The following AGMO variants were observed in gnomAD, a reference collection of about 807,000 sequenced individuals.
The protein encoded by AGMO is alkylglycerol monooxygenase.
A neutral mutation model predicts 60.2 loss-of-function variants in AGMO; 75 were observed. The ratio of observed to expected loss-of-function variants is 1.25; its 90% CI spans 1.03 to 1.51. AGMO has a LOEUF of 1.51. AGMO is among the 40% of genes most tolerant of loss of function. The pLI, the probability that AGMO is intolerant of heterozygous loss-of-function variation, is 0.00. For synonymous variants in AGMO, 261 were observed against 177.1 expected, an observed-to-expected ratio of 1.47 and a Z score of -3.76; for missense variants, 763 against 525.5, an observed-to-expected ratio of 1.45 and a Z score of -4.42.
chr7:15,313,599 A>C (rs925783528), intron 12 of AGMO, among the ~76,000 whole-genome samples: 6 of 152,142 alleles, frequency 3.9e-5, no homozygotes, highest in African/African-American at 1.4e-4. Flanking sequence ...TCATGAACTC[A>C]AACAGAAAGG....
chr7:15,196,124 C>T (rs537294815), downstream of AGMO, among the ~76,000 whole-genome samples: 5 of 151,142 alleles, frequency 3.3e-5, no homozygotes, highest in Non-Finnish European at 7.4e-5. Flanking sequence ...CTCACTGCAA[C>T]CTCTGCCTCC....
intron 3 of AGMO, among the ~76,000 whole-genome samples, chr7:15,515,669 A>G (rs1374561532): frequency 6.6e-6 from 1 of 152,228 alleles, no homozygotes; most frequent in Non-Finnish European, 1.5e-5. Context: ...ATGTAGAAAG[A>G]CTGAACTTTT....
the AGMO span, among the ~76,000 whole-genome samples, chr7:15,164,495 C>T: frequency 1.3e-5 from 2 of 151,648 alleles, no homozygotes; most frequent in Non-Finnish European, 1.5e-5. Context: ...ACTATGCCTT[C>T]ATATTCAGAA....
At chr7:15,315,145 C>A (rs1041753614) in intron 12 of AGMO, among the ~76,000 whole-genome samples, 14 of 152,028 alleles carry the variant, frequency 9.2e-5, no homozygotes, top group African/African-American at 3.1e-4. Context: ...CCAGATTAGC[C>A]AAGCTTGACG....
chr7:15,460,970 T>C lies in AGMO; in HGVS notation c.410-29862A>G, dbSNP rs138384779. Among the ~76,000 whole-genome samples the C allele has an allele frequency of 2.7e-3, 408 of 152,266 alleles. 1 individual carries two copies. Among genetic ancestry groups the C allele is most frequent in the African/African-American group, 9.4e-3 (391 of 41,546 alleles). On this transcript the variant is annotated intron_variant, in intron 3 of 12. Transcript: ENST00000342526. The stretch of plus-strand genomic sequence containing the variant: ...AATTATGTATTAGTATGAATTATGT[T>C]GTAGTAATTAATGCTACAGGCATTT...
intron 10 of AGMO, among the ~76,000 whole-genome samples, chr7:15,368,684 A>C (rs1338323235): frequency 6.6e-6 from 1 of 152,174 alleles, no homozygotes; most frequent in African/African-American, 2.4e-5. Flanking sequence ...TCAGGAGCTT[A>C]GGCTAATCTT....
intron 3 of AGMO, among the ~76,000 whole-genome samples, chr7:15,487,431 A>ATTT (rs1460830301): frequency 6.6e-6 from 1 of 152,112 alleles, no homozygotes; most frequent in African/African-American, 2.4e-5. Flanking sequence ...AAATTGAATA[A>ATTT]TATACTTAAT....
At position 15,561,849 on chromosome 7, in the gene AGMO, T is replaced by C. The variant is rs1195466123; in HGVS notation, c.-4A>G. On this transcript the variant is annotated 5_prime_UTR_variant, in exon 1 of 13. Coordinates refer to ENST00000342526, the MANE Select transcript of AGMO (RefSeq NM_001004320.2). ...GCTGGGCTTCTGGGTTCTTCATTTCTGCCCTTGTCTGATTCCCAGCTGGAG... is the reference window on the plus strand; with the variant it reads ...GCTGGGCTTCTGGGTTCTTCATTTCCGCCCTTGTCTGATTCCCAGCTGGAG... The C allele has an allele frequency of 6.3e-7, 1 of 1,591,308 alleles. No individual in the cohort carries two copies. Among genetic ancestry groups the C allele is most frequent in the African/African-American group, 1.4e-5 (1 of 73,780 alleles).
At chr7:15,132,980 T>G in the AGMO span, among the ~76,000 whole-genome samples, 5 of 152,096 alleles carry the variant, frequency 3.3e-5, no homozygotes, top group African/African-American at 1.2e-4. Context: ...GTTATAATGG[T>G]CAACCTTTGA....
intron 3 of AGMO, among the ~76,000 whole-genome samples, chr7:15,466,212 C>T (rs1414813592): frequency 1.3e-5 from 2 of 152,036 alleles, no homozygotes; most frequent in Non-Finnish European, 2.9e-5. Context: ...TTCATAACAG[C>T]TCTATCTTTA....
At chr7:15,326,566 T>C (rs1177213125) in intron 12 of AGMO, among the ~76,000 whole-genome samples, 1 of 152,198 alleles carries the variant, frequency 6.6e-6, no homozygotes, top group African/African-American at 2.4e-5. Flanking sequence ...CTTGCCTTAC[T>C]CTTTTCTGAA....
chr7:15,232,455 A>T (rs1782287708), intron 12 of AGMO, among the ~76,000 whole-genome samples: 1 of 152,138 alleles, frequency 6.6e-6, no homozygotes, highest in Non-Finnish European at 1.5e-5. Context: ...CCTTAATCTT[A>T]TATCAATATA....
At chr7:15,358,023 T>C (rs932630627) in intron 12 of AGMO, among the ~76,000 whole-genome samples, 2 of 152,202 alleles carry the variant, frequency 1.3e-5, no homozygotes, top group Non-Finnish European at 2.9e-5. Flanking sequence ...TGAAGTTTGC[T>C]AAGAACTGTT....
intron 12 of AGMO, among the ~76,000 whole-genome samples, chr7:15,237,218 T>C (rs1327855494): frequency 6.6e-6 from 1 of 152,082 alleles, no homozygotes; most frequent in Non-Finnish European, 1.5e-5. Flanking sequence ...TGAGATCCAG[T>C]AAGTGTGCGT....
chr7:15,506,060 A>C (rs1783505528), intron 3 of AGMO, among the ~76,000 whole-genome samples: 1 of 152,070 alleles, frequency 6.6e-6, no homozygotes. Flanking sequence ...AAGAACATTC[A>C]TTTACATTTG....
chr7:15,493,377 T>TC (rs1783126942), intron 3 of AGMO, among the ~76,000 whole-genome samples: 1 of 123,264 alleles, frequency 8.1e-6, no homozygotes, highest in Non-Finnish European at 1.7e-5. Context: ...TTTTTTTTTT[T>TC]TTTTTTTTTT....
chr7:15,554,272 A>T (rs1421289411), intron 2 of AGMO, among the ~76,000 whole-genome samples: 1 of 151,998 alleles, frequency 6.6e-6, no homozygotes, highest in Non-Finnish European at 1.5e-5. Context: ...AAACTGTCTA[A>T]ACTCCATCCT....
At chr7:15,364,309 A>T (rs1277731536) in intron 12 of AGMO, among the ~76,000 whole-genome samples, 1 of 152,002 alleles carries the variant, frequency 6.6e-6, no homozygotes. Flanking sequence ...TACATACAAT[A>T]AAATACATTT....
chr7:15,172,396 G>T, the AGMO span, among the ~76,000 whole-genome samples: 1 of 152,270 alleles, frequency 6.6e-6, no homozygotes, highest in Admixed American at 6.5e-5. Context: ...ATGGTACTTA[G>T]TTACCTCCAG....
Sources: gnomAD v4.1 joint callset for allele counts (sites outside exome capture counted in the v4.1 genomes callset) on GRCh38, gnomAD v4.1.1 for gene constraint, MANE v1.5 for transcripts, NCBI Gene and HGNC (gene_info 2026-07-23, HGNC 2026-07-21) for gene names.